Variants in P4HA3 observed in about 807,000 individuals in gnomAD.
P4HA3 encodes prolyl 4-hydroxylase subunit alpha-3.
A neutral mutation model predicts 66.7 loss-of-function variants in P4HA3; 60 were observed. The observed-to-expected ratio is 0.90, with a 90% CI of 0.73 to 1.12. The LOEUF is 1.12. Among genes scored for constraint, P4HA3 ranks in the 50% most tolerant of loss-of-function variants. The probability of loss-of-function intolerance (pLI) is 0.00; values close to 1 mark genes in which losing one functional copy is unlikely to be tolerated. For synonymous variants in P4HA3, 263 were observed against 274.6 expected, an observed-to-expected ratio of 0.96 and a Z score of 0.42; for missense variants, 683 against 685.8, an observed-to-expected ratio of 1.00 and a Z score of 0.05.
chr11:74,252,517 A>C (rs1028420252), intron 15 of P4HA3: 6 of 456,036 alleles, frequency 1.3e-5, no homozygotes, highest in South Asian at 9.3e-5. Context: ...AGCTGGCAGA[A>C]TATTAGCCAC....
At chr11:74,279,340 C>A in intron 8 of P4HA3, 48 bp downstream of exon 8, 1 of 1,567,476 alleles carries the variant, frequency 6.4e-7, no homozygotes, top group South Asian at 1.1e-5. Context: ...AGCTATGCTA[C>A]GGCCCGAGGG....
chr11:74,252,795 C>G (rs1264084890), intron 15 of P4HA3, among the ~76,000 whole-genome samples: 1 of 152,144 alleles, frequency 6.6e-6, no homozygotes, highest in East Asian at 1.9e-4. Context: ...AGGGCCAGGT[C>G]TCTCATCCTA....
intron 1 of P4HA3, among the ~76,000 whole-genome samples, chr11:74,310,087 C>T (rs930182894): frequency 2.6e-5 from 4 of 152,178 alleles, no homozygotes; most frequent in African/African-American, 9.7e-5. Context: ...TGTCTTTGCT[C>T]AATGATAAGG....
In P4HA3 at chr11:74,279,752, G is replaced by T. The variant is rs568792876; in HGVS notation, c.1111-300C>A. On this transcript the variant is annotated intron_variant, in intron 7 of 12. Coordinates refer to ENST00000331597, the MANE Select transcript of P4HA3 (RefSeq NM_182904.5). ...TTTAACTGTTATTTGAATCCCTTTT[G>T]TATCTGTAAGACTGTGAGTTAGGTA... 8.9e-4 allele frequency among the ~76,000 whole-genome samples: 135 copies of T among 152,284 alleles called. 1 individual carries two copies. The highest frequency in any genetic ancestry group is 3.0e-3 in the African/African-American group (126 of 41,562).
chr11:74,256,557 C>T (rs1565400118), intron 15 of P4HA3, among the ~76,000 whole-genome samples: 1 of 152,176 alleles, frequency 6.6e-6, no homozygotes, highest in Admixed American at 6.5e-5. Flanking sequence ...CATGTGTTCA[C>T]TTAACATGGC....
intron 15 of P4HA3, chr11:74,253,569 G>A: frequency 6.5e-7 from 1 of 1,544,030 alleles, no homozygotes; most frequent in Non-Finnish European, 9.0e-7. Flanking sequence ...TCGCACCAGA[G>A]GCCACTGTGA....
At chr11:74,286,176 C>G in intron 6 of P4HA3, 52 bp downstream of exon 6, 2 of 1,579,038 alleles carry the variant, frequency 1.3e-6, no homozygotes, top group South Asian at 2.3e-5. Flanking sequence ...ATTCTAGCTT[C>G]TCAAACTCTA....
chr11:74,306,986 T>A (rs1243523109), intron 1 of P4HA3, among the ~76,000 whole-genome samples: 1 of 152,104 alleles, frequency 6.6e-6, no homozygotes, highest in Non-Finnish European at 1.5e-5. Context: ...TGGAACTACT[T>A]AGGGAAAGAT....
At chr11:74,281,517 A>T (rs1390862422) in intron 7 of P4HA3, among the ~76,000 whole-genome samples, 1 of 151,924 alleles carries the variant, frequency 6.6e-6, no homozygotes, top group Non-Finnish European at 1.5e-5. Flanking sequence ...AATGTGGCAC[A>T]TATACACCAT....
chr11:74,262,869 A>G (rs974864036), downstream of P4HA3, among the ~76,000 whole-genome samples: 2 of 152,192 alleles, frequency 1.3e-5, no homozygotes, highest in African/African-American at 4.8e-5. Flanking sequence ...TGCCGTTGGC[A>G]TTACTGGACA....
intron 2 of P4HA3, among the ~76,000 whole-genome samples, chr11:74,303,665 T>C (rs1180299066): frequency 2.0e-5 from 3 of 151,266 alleles, no homozygotes; most frequent in African/African-American, 7.3e-5. Context: ...CACTGCAACC[T>C]CTGCCTCCCG....
At chr11:74,266,178 C>T (rs561044137), downstream of P4HA3, among the ~76,000 whole-genome samples, 124 of 152,122 alleles carry the variant, frequency 8.2e-4, no homozygotes, top group Non-Finnish European at 1.6e-3. Context: ...GCTTCTGGAA[C>T]GTAGCCGGGG....
At chr11:74,260,981 C>T (rs1233470768) in intron 14 of P4HA3, among the ~76,000 whole-genome samples, 3 of 152,218 alleles carry the variant, frequency 2.0e-5, no homozygotes, top group Non-Finnish European at 4.4e-5. Flanking sequence ...CAGCGATGCC[C>T]CCTGCCCAGG....
intron 3 of P4HA3, among the ~76,000 whole-genome samples, chr11:74,299,075 T>A (rs1324968483): frequency 1.3e-5 from 2 of 152,230 alleles, no homozygotes; most frequent in Non-Finnish European, 2.9e-5. Flanking sequence ...ACGGGGCACA[T>A]GAGTAAGCCA....
At chr11:74,256,226 G>A (rs1392163894) in intron 15 of P4HA3, among the ~76,000 whole-genome samples, 1 of 152,188 alleles carries the variant, frequency 6.6e-6, no homozygotes, top group Non-Finnish European at 1.5e-5. Context: ...CTGGGCAGAA[G>A]TCATTTTGGA....
At chr11:74,253,362 G>T in intron 15 of P4HA3, 1 of 888,752 alleles carries the variant, frequency 1.1e-6, no homozygotes, top group Non-Finnish European at 1.8e-6. Flanking sequence ...TCTGGTCAGG[G>T]CTGTGAAATG....
intron 2 of P4HA3, among the ~76,000 whole-genome samples, chr11:74,303,082 G>A (rs2134821949): frequency 6.6e-6 from 1 of 152,098 alleles, no homozygotes; most frequent in Non-Finnish European, 1.5e-5. Flanking sequence ...CTTCTGAGTA[G>A]GCAGGACTTC....
intron 3 of P4HA3, 95 bp from the exon 4 acceptor site, chr11:74,298,456 G>A (rs1861298036): frequency 1.4e-6 from 2 of 1,409,974 alleles, no homozygotes; most frequent in African/African-American, 2.9e-5. Context: ...TGGAATCCAA[G>A]AAGGCAGGTT....
chr11:74,305,308 A>G (rs1861547280), intron 1 of P4HA3, among the ~76,000 whole-genome samples: 1 of 152,140 alleles, frequency 6.6e-6, no homozygotes, highest in Admixed American at 6.5e-5. Context: ...ACTGAAAGCT[A>G]TTACTTATTG....
Sources: gnomAD v4.1 joint callset for allele counts (sites outside exome capture counted in the v4.1 genomes callset) on GRCh38, gnomAD v4.1.1 for gene constraint, MANE v1.5 for transcripts, NCBI Gene and HGNC (gene_info 2026-07-23, HGNC 2026-07-21) for gene names.